UBE2J1: variants seen among roughly 807,000 people sequenced by gnomAD.
UBE2J1 encodes the protein ubiquitin conjugating enzyme E2 J1, also known as ubiquitin-conjugating enzyme E2 J1.
UBE2J1 carries 17 observed loss-of-function variants against 42.1 expected under a neutral mutation model. That is an observed-to-expected ratio of 0.40 (90% CI 0.28 to 0.61). UBE2J1 has a LOEUF of 0.61. Ranked by LOEUF, UBE2J1 falls within the 20% of genes least tolerant of loss-of-function variation. The pLI is 0.38. For missense variants in UBE2J1, 291 were observed against 389.4 expected (o/e 0.75, Z 2.13); for synonymous variants, 127 against 137.2 (o/e 0.93, Z 0.52).
intron 3 of UBE2J1, among the ~76,000 whole-genome samples, chr6:89,340,731 G>A (rs894157280): frequency 1.3e-5 from 2 of 150,306 alleles, no homozygotes; most frequent in Non-Finnish European, 3.0e-5. Context: ...GGTAAAAGCA[G>A]CATTAATTTG....
intron 5 of UBE2J1, among the ~76,000 whole-genome samples, chr6:89,336,485 T>TA (rs1402511178): frequency 2.0e-5 from 3 of 150,262 alleles, no homozygotes; most frequent in South Asian, 2.1e-4. Flanking sequence ...TTTTTTTTTT[T>TA]ATTTCATTTT....
chr6:89,341,725 T>TAA (rs76220211), intron 3 of UBE2J1, among the ~76,000 whole-genome samples: 8 of 139,974 alleles, frequency 5.7e-5, no homozygotes, highest in African/African-American at 1.6e-4. Flanking sequence ...CCGTGTCTCT[T>TAA]AAAAAAAAAA....
In UBE2J1 at chr6:89,331,937, T is replaced by C. The variant is rs1712854600; in HGVS notation, c.678+1149A>G. ...TTGTTTTCCCCTGCAATTCATAAAA[T>C]TACATTGGGATCACACAAAAATGAT... On this transcript the variant is annotated intron_variant, in intron 7 of 7. Transcript: ENST00000435041. 2.0e-5 allele frequency among the ~76,000 whole-genome samples: 3 copies of C among 152,216 alleles called. 1 individual carries two copies. The South Asian group carries it at 6.2e-4, about 32-fold the overall frequency.
intron 3 of UBE2J1, 117 bp downstream of exon 3, chr6:89,342,207 C>T (rs1582485752): frequency 2.5e-6 from 3 of 1,194,522 alleles, no homozygotes; most frequent in East Asian, 2.7e-5. Context: ...GGGCCTGGAC[C>T]CCAAAAGCAA....
At chr6:89,331,974 G>A (rs1253479722) in intron 7 of UBE2J1, among the ~76,000 whole-genome samples, 1 of 152,062 alleles carries the variant, frequency 6.6e-6, no homozygotes, top group Admixed American at 6.5e-5. Flanking sequence ...TAAACTCATC[G>A]CTACACACTT....
intron 3 of UBE2J1, among the ~76,000 whole-genome samples, chr6:89,341,442 C>T (rs1231102920): frequency 1.3e-5 from 2 of 152,128 alleles, no homozygotes; most frequent in Non-Finnish European, 2.9e-5. Context: ...GGAATTAGAT[C>T]AATAGTTTTC....
chr6:89,349,878 C>G (rs904019458), intron 1 of UBE2J1, among the ~76,000 whole-genome samples: 1 of 152,118 alleles, frequency 6.6e-6, no homozygotes, highest in Non-Finnish European at 1.5e-5. Flanking sequence ...AAGAAGCTGC[C>G]AAAGGAGGTG....
chr6:89,352,611 A>ACCTCCTCTCCACGCGGCCGCTGCCC lies in UBE2J1; in HGVS notation c.-67_-43dup. ...GGCTCCGGCCTCCCGGGCCGCTGCC[A>ACCTCCTCTCCACGCGGCCGCTGCCC]CCTCCTCTCCACGCGGCCGCTGCCC... On this transcript the variant is annotated 5_prime_UTR_variant, in exon 1 of 8. Coordinates refer to ENST00000435041, the MANE Select transcript of UBE2J1 (RefSeq NM_016021.3). The ACCTCCTCTCCACGCGGCCGCTGCCC allele has an allele frequency of 6.5e-7, 1 of 1,530,912 alleles. No individual in the cohort carries two copies. Among genetic ancestry groups the ACCTCCTCTCCACGCGGCCGCTGCCC allele is most frequent in the South Asian group, 1.2e-5 (1 of 83,832 alleles). 94.8% of individuals were successfully genotyped at this position (1,530,912 alleles called of 1,614,324 possible). A position where few individuals can be genotyped will look rare whatever the true frequency, so the allele number is the denominator to read the frequency against.
At chr6:89,338,769 C>A (rs1768169196) in intron 3 of UBE2J1, among the ~76,000 whole-genome samples, 1 of 148,460 alleles carries the variant, frequency 6.7e-6, no homozygotes, top group South Asian at 2.1e-4. Flanking sequence ...GGGTTCACGC[C>A]ATTCTCCTGC....
chr6:89,351,069 CTTTTTTTTTTTTTTTT>C (rs1193022037), intron 1 of UBE2J1, among the ~76,000 whole-genome samples: 8 of 60,442 alleles, frequency 1.3e-4, no homozygotes, highest in Non-Finnish European at 2.1e-4. Flanking sequence ...CCGGGATTCT[CTTTTTTTTTTTTTTTT>C]TTTTTTTTTT....
In UBE2J1 at chr6:89,327,852, T is replaced by C. The variant is rs1283221687; in HGVS notation, c.*1827A>G. 6.6e-6 allele frequency: 1 copy of C among 152,194 alleles called. No homozygotes were observed. The highest frequency in any genetic ancestry group is 1.5e-5 in the Non-Finnish European group (1 of 68,028). The allele number at this position is 152,194 out of a possible 1,614,324, so 9.4% of individuals were successfully genotyped here. A position where few individuals can be genotyped will look rare whatever the true frequency, so the allele number is the denominator to read the frequency against. The stretch of plus-strand genomic sequence containing the variant: ...TGGTGGGGATTTCTTTCTTCTCATA[T>C]GACGCTACCGTCGGTGACTTCTTAC... On this transcript the variant is annotated 3_prime_UTR_variant, in exon 8 of 8. Coordinates refer to ENST00000435041, the MANE Select transcript of UBE2J1 (RefSeq NM_016021.3).
At chr6:89,349,139 A>G (rs1014002499) in intron 1 of UBE2J1, among the ~76,000 whole-genome samples, 2 of 152,136 alleles carry the variant, frequency 1.3e-5, no homozygotes, top group African/African-American at 4.8e-5. Flanking sequence ...CGGGAGGCAG[A>G]GGTGGAAGAA....
chr6:89,340,781 T>A (rs888156739), intron 3 of UBE2J1, among the ~76,000 whole-genome samples: 4 of 151,194 alleles, frequency 2.6e-5, no homozygotes, highest in African/African-American at 9.7e-5. Context: ...TATGTTTTTT[T>A]TTTTTGAGAT....
At chr6:89,346,559 C>T (rs760388066) in intron 1 of UBE2J1, among the ~76,000 whole-genome samples, 6 of 152,120 alleles carry the variant, frequency 3.9e-5, no homozygotes, top group African/African-American at 9.7e-5. Context: ...CCCCATCCTC[C>T]GCCTCACCGT....
intron 1 of UBE2J1, among the ~76,000 whole-genome samples, chr6:89,349,614 G>T (rs1471039801): frequency 6.6e-6 from 1 of 152,132 alleles, no homozygotes; most frequent in Non-Finnish European, 1.5e-5. Flanking sequence ...GATGAGTTTT[G>T]TCTTTATACT....
chr6:89,328,105 C>A lies in UBE2J1; in HGVS notation c.*1574G>T, dbSNP rs1407559550. 1 of 152,014 alleles carries A rather than the reference C, an allele frequency of 6.6e-6. No individual in the cohort carries two copies. Among genetic ancestry groups the A allele is most frequent in the Non-Finnish European group, 1.5e-5 (1 of 68,004 alleles). The allele number at this position is 152,014 out of a possible 1,614,324, so 9.4% of individuals were successfully genotyped here. A position where few individuals can be genotyped will look rare whatever the true frequency, so the allele number is the denominator to read the frequency against. On this transcript the variant is annotated 3_prime_UTR_variant, in exon 8 of 8. Coordinates refer to ENST00000435041, the MANE Select transcript of UBE2J1 (RefSeq NM_016021.3). ...AATGCGAATTTATTAAAGTTTAAGACAATTCTGTATTATATAATAGTGTAC... is the reference window on the plus strand; with the variant it reads ...AATGCGAATTTATTAAAGTTTAAGAAAATTCTGTATTATATAATAGTGTAC...
chr6:89,335,138 A>G (rs1377298896), intron 6 of UBE2J1, among the ~76,000 whole-genome samples, 164 bp downstream of exon 6: 1 of 152,186 alleles, frequency 6.6e-6, no homozygotes, highest in African/African-American at 2.4e-5. Context: ...ACATATATAC[A>G]CCTACTATGT....
rs542480258 is a variant in UBE2J1 at position 89,345,676 on chromosome 6, G to C, written c.32-1920C>G. Among the ~76,000 whole-genome samples, 8 of 152,152 alleles carry C rather than the reference G, an allele frequency of 5.3e-5. No individual in the cohort carries two copies. The East Asian group carries it at 1.4e-3, about 26-fold the overall frequency. On this transcript the variant is annotated intron_variant, in intron 1 of 7. Transcript: ENST00000435041. ...TAATCCCAGCACTTTGGGAGGCCGA[G>C]GCAGGTGGATCACCTGAGGTCAGGA... is the stretch of plus-strand genomic sequence containing the variant.
intron 2 of UBE2J1, among the ~76,000 whole-genome samples, chr6:89,342,744 T>G (rs1768272671): frequency 6.6e-6 from 1 of 152,172 alleles, no homozygotes; most frequent in Non-Finnish European, 1.5e-5. Flanking sequence ...AGGTTTAAAT[T>G]GGAAATTAAT....
Sources: gnomAD v4.1 joint callset for allele counts (sites outside exome capture counted in the v4.1 genomes callset) on GRCh38, gnomAD v4.1.1 for gene constraint, MANE v1.5 for transcripts, NCBI Gene and HGNC (gene_info 2026-07-23, HGNC 2026-07-21) for gene names.